BANK1: variants seen among roughly 807,000 people sequenced by gnomAD.
BANK1 encodes the protein B-cell scaffold protein with ankyrin repeats.
A neutral mutation model predicts 94.5 loss-of-function variants in BANK1; 95 were observed. The ratio of observed to expected loss-of-function variants is 1.00; its 90% CI spans 0.85 to 1.19. BANK1 has a LOEUF of 1.19. BANK1 is among the 50% of genes most tolerant of loss of function. The pLI, the probability that BANK1 is intolerant of heterozygous loss-of-function variation, is 0.00. For synonymous variants in BANK1, 334 were observed against 308.4 expected (o/e 1.08, Z -0.87); for missense variants, 987 against 932.2 (o/e 1.06, Z -0.77).
At chr4:101,840,547 A>T (rs1727006546) in intron 2 of BANK1, among the ~76,000 whole-genome samples, 2 of 152,274 alleles carry the variant, frequency 1.3e-5, no homozygotes, top group South Asian at 2.1e-4. Flanking sequence ...AACCACTTAA[A>T]GGCATTCTTG....
intron 5 of BANK1, among the ~76,000 whole-genome samples, chr4:101,889,519 AC>A (rs1445342300): frequency 1.3e-3 from 151 of 112,304 alleles, no homozygotes; most frequent in African/African-American, 7.1e-3. Context: ...AATGGCGTGA[AC>A]CCGGGAAGCG....
intron 6 of BANK1, among the ~76,000 whole-genome samples, chr4:101,913,654 G>A (rs1205818499): frequency 1.3e-5 from 2 of 152,146 alleles, no homozygotes; most frequent in Non-Finnish European, 2.9e-5. Context: ...TGAAATCAGA[G>A]CATCTTTCGC....
chr4:101,914,238 C>A (rs1722756267), intron 6 of BANK1, among the ~76,000 whole-genome samples: 4 of 152,010 alleles, frequency 2.6e-5, no homozygotes, highest in Non-Finnish European at 5.9e-5. Context: ...ACTGAGTGGG[C>A]CCAGAACACA....
intron 1 of BANK1, among the ~76,000 whole-genome samples, chr4:101,800,927 T>G (rs1308754883): frequency 6.6e-6 from 1 of 152,112 alleles, no homozygotes; most frequent in Non-Finnish European, 1.5e-5. Flanking sequence ...CTGGCTAACT[T>G]TTGTATTTTT....
intron 6 of BANK1, among the ~76,000 whole-genome samples, chr4:101,906,091 C>T (rs920916681): frequency 5.3e-5 from 8 of 152,134 alleles, no homozygotes; most frequent in African/African-American, 1.9e-4. Flanking sequence ...TGGGCCTGGG[C>T]ATTGCGAGCA....
At chr4:101,881,616 C>T (rs1305870418) in intron 5 of BANK1, among the ~76,000 whole-genome samples, 3 of 152,080 alleles carry the variant, frequency 2.0e-5, no homozygotes, top group African/African-American at 7.2e-5. Context: ...ATCTGCACTC[C>T]CATGTTTGTT....
At chr4:101,936,519 A>G (rs1421629143) in intron 7 of BANK1, among the ~76,000 whole-genome samples, 1 of 150,516 alleles carries the variant, frequency 6.6e-6, no homozygotes, top group Non-Finnish European at 1.5e-5. Context: ...ATACATGTAT[A>G]CTAGACATAT....
chr4:102,072,880 G>C (rs1247080572), intron 15 of BANK1, among the ~76,000 whole-genome samples: 1 of 152,032 alleles, frequency 6.6e-6, no homozygotes, highest in Non-Finnish European at 1.5e-5. Context: ...AAAGACAACA[G>C]CAATGGAAAA....
chr4:101,816,720 T>A (rs868655078), intron 1 of BANK1, among the ~76,000 whole-genome samples: 5 of 152,302 alleles, frequency 3.3e-5, no homozygotes, highest in Middle Eastern at 3.4e-3. Flanking sequence ...AGTCTGGTTT[T>A]GTATATATCA....
intron 13 of BANK1, among the ~76,000 whole-genome samples, chr4:102,064,627 C>A (rs1372996761): frequency 6.6e-6 from 1 of 152,166 alleles, no homozygotes; most frequent in African/African-American, 2.4e-5. Flanking sequence ...TCAATTAGTT[C>A]TCCTTTCAGC....
chr4:102,059,514 C>T (rs1280162333), intron 11 of BANK1, among the ~76,000 whole-genome samples: 1 of 152,140 alleles, frequency 6.6e-6, no homozygotes, highest in Non-Finnish European at 1.5e-5. Context: ...GTCATGCAGG[C>T]CTATTTATGT....
chr4:101,998,165 T>C (rs191359959), intron 7 of BANK1, among the ~76,000 whole-genome samples: 42 of 152,322 alleles, frequency 2.8e-4, no homozygotes, highest in Non-Finnish European at 1.3e-4. Flanking sequence ...TGCCTTAATT[T>C]CGTTATTTAC....
intron 7 of BANK1, among the ~76,000 whole-genome samples, chr4:101,952,533 T>A (rs977776767): frequency 1.3e-5 from 2 of 152,160 alleles, no homozygotes; most frequent in Admixed American, 1.3e-4. Flanking sequence ...ATCATAGTTA[T>A]AACAATAGAA....
At chr4:102,013,186 G>A (rs1232392314) in intron 7 of BANK1, among the ~76,000 whole-genome samples, 2 of 152,082 alleles carry the variant, frequency 1.3e-5, no homozygotes, top group East Asian at 1.9e-4. Context: ...TCTGAATGCA[G>A]CAATTATAGA....
chr4:101,834,041 ATT>A (rs1390789249), intron 2 of BANK1, among the ~76,000 whole-genome samples: 1 of 152,170 alleles, frequency 6.6e-6, no homozygotes, highest in Non-Finnish European at 1.5e-5. Flanking sequence ...CACACCCATA[ATT>A]TCTATTTATT....
chr4:101,997,698 T>C (rs1333728388), intron 7 of BANK1, among the ~76,000 whole-genome samples: 1 of 152,212 alleles, frequency 6.6e-6, no homozygotes, highest in African/African-American at 2.4e-5. Flanking sequence ...GATTTTCTAG[T>C]TTATTTGCAT....
At chr4:101,893,071 G>A (rs1459788008) in intron 5 of BANK1, among the ~76,000 whole-genome samples, 1 of 151,778 alleles carries the variant, frequency 6.6e-6, no homozygotes, top group Non-Finnish European at 1.5e-5. Context: ...AACTATGGTG[G>A]GCTGGAATAT....
chr4:102,003,417 C>T (rs1560679420), intron 7 of BANK1, among the ~76,000 whole-genome samples: 1 of 152,110 alleles, frequency 6.6e-6, no homozygotes, highest in Admixed American at 6.6e-5. Context: ...ATGGATTATT[C>T]CCATGTCTGG....
At chr4:101,909,679 A>G (rs1722593359) in intron 6 of BANK1, among the ~76,000 whole-genome samples, 1 of 152,182 alleles carries the variant, frequency 6.6e-6, no homozygotes. Flanking sequence ...AATGCTGCAG[A>G]GATTTTGTTT....
Sources: allele counts gnomAD v4.1 joint callset (sites outside exome capture counted in the v4.1 genomes callset), GRCh38; gene constraint gnomAD v4.1.1; transcripts MANE v1.5; gene names NCBI Gene and HGNC (gene_info 2026-07-23, HGNC 2026-07-21).